Variants in MSTO1 observed in about 807,000 individuals in gnomAD.
MSTO1 encodes misato mitochondrial distribution and morphology regulator 1.
A neutral mutation model predicts 55.7 loss-of-function variants in MSTO1; 24 were observed. That is an observed-to-expected ratio of 0.43 (90% confidence interval 0.31 to 0.61). The LOEUF (loss-of-function observed/expected upper bound fraction) is 0.61. Ranked by LOEUF, MSTO1 falls within the 20% of genes least tolerant of loss-of-function variation. MSTO1 has a pLI of 0.09. For missense variants in MSTO1, 363 were observed against 625.7 expected (o/e 0.58, Z 4.48); for synonymous variants, 162 against 252.8 (o/e 0.64, Z 3.41).
the MSTO1 span, among the ~76,000 whole-genome samples, chr1:155,569,117 G>C: frequency 6.6e-6 from 1 of 151,572 alleles, no homozygotes; most frequent in East Asian, 1.9e-4. Context: ...GCCTCCCAAG[G>C]GTTTTTTATT....
At chr1:155,574,768 A>G in the MSTO1 span, among the ~76,000 whole-genome samples, 1 of 151,740 alleles carries the variant, frequency 6.6e-6, no homozygotes, top group Admixed American at 6.6e-5. Context: ...AGGTTTTCCT[A>G]TGTTGCCCAG....
chr1:155,588,059 A>G, the MSTO1 span, among the ~76,000 whole-genome samples: 2 of 151,616 alleles, frequency 1.3e-5, no homozygotes, highest in Non-Finnish European at 2.9e-5. Flanking sequence ...AAATACAAAC[A>G]TTAGCCAGGC....
the MSTO1 span, chr1:155,564,002 T>C: frequency 1.2e-5 from 2 of 170,030 alleles, no homozygotes; most frequent in Admixed American, 5.4e-5. Flanking sequence ...TTGACTGATA[T>C]TTGATAATTG....
the MSTO1 span, among the ~76,000 whole-genome samples, chr1:155,587,617 GCCTATAGTCCCAGCTACTTGGGA>G: frequency 6.6e-6 from 1 of 151,450 alleles, no homozygotes. Flanking sequence ...GGTGGCGGGC[GCCTATAGTCCCAGCTACTTGGGA>G]GGCTGAGGCA....
the MSTO1 span, chr1:155,591,392 T>C: frequency 7.1e-6 from 5 of 707,602 alleles, no homozygotes; most frequent in Non-Finnish European, 1.2e-5. Context: ...CTGCAGGATG[T>C]TCATTCTGGA....
the MSTO1 span, among the ~76,000 whole-genome samples, chr1:155,605,154 G>A: frequency 6.6e-5 from 10 of 151,926 alleles, no homozygotes; most frequent in East Asian, 1.9e-4. Context: ...CCAGCTACTC[G>A]GGAGGCTGAG....
At chr1:155,570,689 A>G in the MSTO1 span, among the ~76,000 whole-genome samples, 3 of 152,214 alleles carry the variant, frequency 2.0e-5, no homozygotes, top group South Asian at 6.2e-4. Flanking sequence ...CTTATTGGTT[A>G]TTGCTGTTCA....
the MSTO1 span, among the ~76,000 whole-genome samples, chr1:155,593,918 G>A: frequency 2.6e-5 from 4 of 151,716 alleles, no homozygotes; most frequent in East Asian, 2.0e-4. Flanking sequence ...GCAGTGAGCC[G>A]AGATCATGCC....
the MSTO1 span, among the ~76,000 whole-genome samples, chr1:155,580,228 G>GAAA: frequency 1.6e-5 from 2 of 123,356 alleles, no homozygotes; most frequent in Admixed American, 8.3e-5. Context: ...CTGACTCTAA[G>GAAA]AAAAAAAAAA....
chr1:155,577,703 A>G, the MSTO1 span, among the ~76,000 whole-genome samples: 1 of 152,174 alleles, frequency 6.6e-6, no homozygotes, highest in Non-Finnish European at 1.5e-5. Flanking sequence ...TGCTTGGGCT[A>G]TTCTAGGTCT....
the MSTO1 span, among the ~76,000 whole-genome samples, chr1:155,592,002 C>T: frequency 6.6e-6 from 1 of 152,032 alleles, no homozygotes; most frequent in African/African-American, 2.4e-5. Context: ...CACCTTGTGG[C>T]CCTTGAATAG....
upstream of MSTO1, among the ~76,000 whole-genome samples, chr1:155,606,408 C>A (rs1443486668): frequency 6.8e-6 from 1 of 147,242 alleles, no homozygotes; most frequent in African/African-American, 2.5e-5. Context: ...CTTTCTTTTT[C>A]TTTTCAGACG....
upstream of MSTO1, chr1:155,610,011 A>G: frequency 1.8e-6 from 1 of 544,924 alleles, no homozygotes; most frequent in Non-Finnish European, 3.2e-6. Context: ...GTGGAGCAGG[A>G]GCAACGGCGT....
At chr1:155,585,299 G>A in the MSTO1 span, among the ~76,000 whole-genome samples, 1 of 152,096 alleles carries the variant, frequency 6.6e-6, no homozygotes, top group Admixed American at 6.6e-5. Flanking sequence ...CAAGGCGGGC[G>A]GATCACGAGG....
the MSTO1 span, among the ~76,000 whole-genome samples, chr1:155,585,351 G>A: frequency 2.0e-5 from 3 of 152,054 alleles, no homozygotes; most frequent in African/African-American, 4.8e-5. Context: ...GTGAAACCCC[G>A]TCTCTACTAA....
At chr1:155,585,500 G>T in the MSTO1 span, among the ~76,000 whole-genome samples, 1 of 148,894 alleles carries the variant, frequency 6.7e-6, no homozygotes, top group Non-Finnish European at 1.5e-5. Flanking sequence ...TCCAGCCTGG[G>T]TGACAGAGCG....
upstream of MSTO1, chr1:155,610,183 A>T (rs1673502323): frequency 1.0e-6 from 1 of 1,001,394 alleles, no homozygotes; most frequent in South Asian, 1.5e-5. Context: ...CGCGCCTGCC[A>T]AGCCAATCGG....
upstream of MSTO1, among the ~76,000 whole-genome samples, chr1:155,608,735 C>T (rs1337741517): frequency 6.6e-6 from 1 of 151,838 alleles, no homozygotes; most frequent in African/African-American, 2.4e-5. Flanking sequence ...ATCTCCTGAC[C>T]TCGTGATCCA....
the MSTO1 span, among the ~76,000 whole-genome samples, chr1:155,570,273 A>G: frequency 1.3e-5 from 2 of 152,162 alleles, no homozygotes; most frequent in Non-Finnish European, 2.9e-5. Context: ...CTACCCTAAG[A>G]AGCAGTCATA....
Sources: allele counts gnomAD v4.1 joint callset (sites outside exome capture counted in the v4.1 genomes callset), GRCh38; gene constraint gnomAD v4.1.1; transcripts MANE v1.5; gene names NCBI Gene and HGNC (gene_info 2026-07-23, HGNC 2026-07-21).